KBTBD2: variants seen among roughly 807,000 people sequenced by gnomAD.
KBTBD2 encodes the protein kelch repeat and BTB domain-containing protein 2.
A neutral mutation model predicts 57.1 loss-of-function variants in KBTBD2; 17 were observed. That is an observed-to-expected ratio of 0.30 (90% CI 0.20 to 0.45). KBTBD2 has a LOEUF of 0.45. KBTBD2 is among the 20% of genes least tolerant of loss of function. The pLI, the probability that KBTBD2 is intolerant of heterozygous loss-of-function variation, is 1.00. For synonymous variants in KBTBD2, 267 were observed against 262.7 expected (o/e 1.02, Z -0.16); for missense variants, 515 against 750.6 (o/e 0.69, Z 3.67).
chr7:32,873,890 G>T (rs1784242621), intron 3 of KBTBD2, among the ~76,000 whole-genome samples: 1 of 152,018 alleles, frequency 6.6e-6, no homozygotes, highest in Admixed American at 6.5e-5. Context: ...AAATCCTATT[G>T]TTTTTCCCTT....
At chr7:32,874,850 A>G (rs1368609356) in intron 3 of KBTBD2, 142 bp downstream of exon 3, 1 of 604,228 alleles carries the variant, frequency 1.7e-6, no homozygotes, top group Non-Finnish European at 2.8e-6. Flanking sequence ...TAGCACCTGT[A>G]ATCCCAGCTA....
rs910440932 is a variant in KBTBD2 at position 32,870,854 on chromosome 7, T to C, written c.363A>G (p.Arg121=). The stretch of plus-strand genomic sequence containing the variant: ...CATTTATTTTTTTAATTAAATATTC[T>C]CGACAACGTTGTAACACATCTTCTA... ...LQVEDVLQRC[R]EYLIKKINAE... is the part of the protein sequence containing the mutation. The change falls in exon 4 of 4, where the codon CGA becomes CGG. Residue 121 remains arginine, a synonymous_variant. Transcript: ENST00000304056. 1.9e-6 allele frequency: 3 copies of C among 1,585,282 alleles called. No individual in the cohort carries two copies. Among genetic ancestry groups the C allele is most frequent in the East Asian group, 2.2e-5 (1 of 44,594 alleles).
chr7:32,885,021 C>CATATATGTGTATAT (rs1562537593), intron 1 of KBTBD2, among the ~76,000 whole-genome samples: 5 of 144,474 alleles, frequency 3.5e-5, no homozygotes, highest in African/African-American at 1.3e-4. Context: ...TATATATACA[C>CATATATGTGTATAT]ACACATACAC....
At chr7:32,888,539 A>G (rs1370504441) in intron 1 of KBTBD2, among the ~76,000 whole-genome samples, 2 of 152,080 alleles carry the variant, frequency 1.3e-5, no homozygotes, top group Non-Finnish European at 2.9e-5. Flanking sequence ...ACAGGCATCA[A>G]TTAAAAAACA....
intron 3 of KBTBD2, chr7:32,874,721 C>A: frequency 3.7e-6 from 1 of 270,422 alleles, no homozygotes; most frequent in Non-Finnish European, 7.0e-6. Flanking sequence ...AGGCTGGACA[C>A]AGTGGCTCAC....
At position 32,873,981 on chromosome 7, in the gene KBTBD2, G is replaced by T. The variant is rs541343999; in HGVS notation, c.336+1011C>A. On this transcript the variant is annotated intron_variant, in intron 3 of 3. Coordinates refer to ENST00000304056, the MANE Select transcript of KBTBD2 (RefSeq NM_015483.3). ...ATTACATAGATAAAAGACATTACTG[G>T]GCCAGGCATGGTGGTTCATACCTGT... 9.3e-4 allele frequency among the ~76,000 whole-genome samples: 142 copies of T among 152,068 alleles called. 1 individual carries two copies. Among genetic ancestry groups the T allele is most frequent in the African/African-American group, 3.3e-3 (138 of 41,462 alleles).
intron 3 of KBTBD2, 121 bp downstream of exon 3, chr7:32,874,871 T>G (rs1008072112): frequency 1.1e-4 from 78 of 734,924 alleles, no homozygotes; most frequent in South Asian, 2.3e-4. Context: ...CTCAGGAGGC[T>G]GAGGCAGGAG....
At chr7:32,878,205 T>C (rs900439530) in intron 2 of KBTBD2, among the ~76,000 whole-genome samples, 1 of 152,128 alleles carries the variant, frequency 6.6e-6, no homozygotes, top group Non-Finnish European at 1.5e-5. Context: ...TTAGGGAATG[T>C]GAAGTTTCGG....
intron 3 of KBTBD2, among the ~76,000 whole-genome samples, chr7:32,871,736 T>C (rs947272436): frequency 1.3e-5 from 2 of 152,128 alleles, no homozygotes; most frequent in African/African-American, 2.4e-5. Flanking sequence ...AGAATATATA[T>C]AAAGTATCAG....
chr7:32,871,764 A>T (rs1255884311), intron 3 of KBTBD2, among the ~76,000 whole-genome samples: 1 of 152,198 alleles, frequency 6.6e-6, no homozygotes, highest in East Asian at 1.9e-4. Context: ...TCTGGTACTG[A>T]AACATATGAT....
At chr7:32,887,238 C>T (rs1041142452) in intron 1 of KBTBD2, among the ~76,000 whole-genome samples, 3 of 152,164 alleles carry the variant, frequency 2.0e-5, no homozygotes, top group Non-Finnish European at 4.4e-5. Context: ...AAGGAGGCTG[C>T]TAGCAAGGCC....
At chr7:32,871,260 AATT>A (rs1784171208) in intron 3 of KBTBD2, among the ~76,000 whole-genome samples, 1 of 152,176 alleles carries the variant, frequency 6.6e-6, no homozygotes, top group South Asian at 2.1e-4. Context: ...GTATAGAGAA[AATT>A]ATTGTTGTTG....
At chr7:32,874,908 T>C (rs1343999648) in intron 3 of KBTBD2, 84 bp downstream of exon 3, 30 of 1,112,940 alleles carry the variant, frequency 2.7e-5, no homozygotes, top group Non-Finnish European at 3.4e-5. Flanking sequence ...GAGGCGGAGG[T>C]TGCAGTGAGC....
chr7:32,869,546 T>G lies in KBTBD2; in HGVS notation c.1671A>C (p.Glu557Asp), dbSNP rs142538655. Reference sequence around the variant, plus strand: ...GCTGCCGCAGAGACCACCGGTCAAGTTCCAGGTCATATTGGTAGGTGACGT... The same window carrying G: ...GCTGCCGCAGAGACCACCGGTCAAGGTCCAGGTCATATTGGTAGGTGACGT... ...AKYVTYQYDL[E>D]LDRWSLRQHI... is the part of the protein sequence containing the mutation. Residue 557 changes from glutamate (E) to aspartate (D), a missense_variant, in exon 4 of 4, where the codon GAA becomes GAC. By Grantham distance (45) the Glu-to-Asp change is conservative. Transcript: ENST00000304056. The G allele has an allele frequency of 5.6e-5, 90 of 1,614,028 alleles. No homozygotes were observed. Among genetic ancestry groups the G allele is most frequent in the Non-Finnish European group, 6.9e-5 (82 of 1,180,030 alleles).
chr7:32,889,688 G>C (rs1784681113), intron 1 of KBTBD2, among the ~76,000 whole-genome samples: 1 of 152,162 alleles, frequency 6.6e-6, no homozygotes, highest in South Asian at 2.1e-4. Context: ...AAACTGAAAA[G>C]ATTAAGCTAA....
intron 1 of KBTBD2, among the ~76,000 whole-genome samples, chr7:32,886,142 T>C (rs1291150154): frequency 6.6e-6 from 1 of 152,156 alleles, no homozygotes; most frequent in Non-Finnish European, 1.5e-5. Flanking sequence ...ACTCTTGACC[T>C]CAGGTGATCT....
intron 2 of KBTBD2, among the ~76,000 whole-genome samples, chr7:32,878,946 A>C (rs1005780534): frequency 1.8e-4 from 28 of 152,372 alleles, no homozygotes; most frequent in African/African-American, 5.5e-4. Flanking sequence ...TCTGGCAAAG[A>C]GTCTAGTTAG....
At position 32,868,597 on chromosome 7, in the gene KBTBD2, CA is replaced by C. The variant is rs1784085453; in HGVS notation, c.*747del. The C allele has an allele frequency of 6.6e-6, 1 of 152,534 alleles. No homozygotes were observed. The highest frequency in any genetic ancestry group is 6.6e-5 in the Admixed American group (1 of 15,256). 9.4% of individuals were successfully genotyped at this position (152,534 alleles called of 1,614,324 possible). A position where few individuals can be genotyped will look rare whatever the true frequency, so the allele number is the denominator to read the frequency against. ...TGCATGAGCCAATGTTAACATAATA[CA>C]GAAAGTGGAGGCTTTTTCTGATTAA... is the stretch of plus-strand genomic sequence containing the variant. On this transcript the variant is annotated 3_prime_UTR_variant, in exon 4 of 4. Transcript: ENST00000304056.
In KBTBD2 at chr7:32,870,847, A is replaced by G; in HGVS notation, c.370T>C (p.Leu124=). 2 of 1,591,186 alleles carry G rather than the reference A, an allele frequency of 1.3e-6. No individual in the cohort carries two copies. The highest frequency in any genetic ancestry group is 1.1e-5 in the South Asian group (1 of 87,406). ...EDVLQRCREY[L]IKKINAENCV... ...TTCTCTGCATTTATTTTTTTAATTA[A>G]ATATTCTCGACAACGTTGTAACACA... The change falls in exon 4 of 4, where the codon TTA becomes CTA. Residue 124 remains leucine (L), a synonymous_variant. Transcript: ENST00000304056.
Sources: gnomAD v4.1 joint callset for allele counts (sites outside exome capture counted in the v4.1 genomes callset) on GRCh38, gnomAD v4.1.1 for gene constraint, MANE v1.5 for transcripts, NCBI Gene and HGNC (gene_info 2026-07-23, HGNC 2026-07-21) for gene names.